NIPBL: variants seen among roughly 807,000 people sequenced by gnomAD.
The protein encoded by NIPBL is NIPBL cohesin loading factor, also known as nipped-B-like protein.
In NIPBL, 19 loss-of-function variants were observed where a neutral mutation model predicts 321.8. The observed-to-expected ratio is 0.06, with a 90% confidence interval of 0.04 to 0.09. NIPBL has a LOEUF of 0.09. Among genes scored for constraint, NIPBL ranks in the 10% least tolerant of loss-of-function variants. The pLI, the probability that NIPBL is intolerant of heterozygous loss-of-function variation, is 1.00. For synonymous variants in NIPBL, 1,106 were observed against 1,114.1 expected (o/e 0.99, Z 0.14); for missense variants, 2,210 against 3,327.0 (o/e 0.66, Z 8.26).
intron 1 of NIPBL, among the ~76,000 whole-genome samples, chr5:36,882,829 C>T (rs1233001242): frequency 6.6e-6 from 1 of 151,266 alleles, no homozygotes; most frequent in Non-Finnish European, 1.5e-5. Flanking sequence ...AAGAGTAATT[C>T]TAAAATGTTT....
chr5:36,988,337 T>A (rs868819137), intron 10 of NIPBL, among the ~76,000 whole-genome samples: 1 of 152,158 alleles, frequency 6.6e-6, no homozygotes, highest in African/African-American at 2.4e-5. Context: ...TGTGTGTGTA[T>A]GTGTACATGT....
intron 1 of NIPBL, among the ~76,000 whole-genome samples, chr5:36,901,840 T>C (rs185650794): frequency 6.6e-6 from 1 of 152,282 alleles, no homozygotes; most frequent in East Asian, 1.9e-4. Context: ...TGAACTGTTT[T>C]CCACAGTGGC....
intron 30 of NIPBL, among the ~76,000 whole-genome samples, chr5:37,025,520 G>A (rs1334087532): frequency 6.6e-6 from 1 of 152,136 alleles, no homozygotes; most frequent in Non-Finnish European, 1.5e-5. Context: ...GGGAAGGGTT[G>A]TGAGGGGTTG....
At chr5:36,913,662 T>C (rs1748227699) in intron 1 of NIPBL, among the ~76,000 whole-genome samples, 2 of 152,194 alleles carry the variant, frequency 1.3e-5, no homozygotes, top group Admixed American at 6.5e-5. Flanking sequence ...TGTGAGCCAC[T>C]GTGCCCAGCT....
intron 1 of NIPBL, among the ~76,000 whole-genome samples, chr5:36,891,325 A>G (rs920542324): frequency 1.3e-5 from 2 of 152,220 alleles, no homozygotes; most frequent in Admixed American, 1.3e-4. Flanking sequence ...AGTCTAATAC[A>G]GTTTATAGAC....
At chr5:36,978,180 A>G (rs769434794) in intron 9 of NIPBL, among the ~76,000 whole-genome samples, 23 of 152,054 alleles carry the variant, frequency 1.5e-4, no homozygotes, top group Non-Finnish European at 2.5e-4. Flanking sequence ...AGAAATCTCC[A>G]TACTGTTTTT....
rs1741186913 is a variant in NIPBL, at chr5:36,958,136, CAGA to C, written c.266_268del (p.Glu89del). ...AAAGATAACCTTGGCAGTGATGACCCAGAAGGTGACATACCAGTCTTGTTGCAG... is the reference window on the plus strand; with the variant it reads ...AAAGATAACCTTGGCAGTGATGACCCAGGTGACATACCAGTCTTGTTGCAG... On this transcript the variant is annotated inframe_deletion, in exon 4 of 47. Transcript: ENST00000282516. 1 of 1,613,992 alleles carries C rather than the reference CAGA, an allele frequency of 6.2e-7. No individual in the cohort carries two copies. Among genetic ancestry groups the C allele is most frequent in the East Asian group, 2.2e-5 (1 of 44,886 alleles).
chr5:36,999,879 T>C (rs940581288), intron 11 of NIPBL, among the ~76,000 whole-genome samples: 1 of 152,180 alleles, frequency 6.6e-6, no homozygotes, highest in Non-Finnish European at 1.5e-5. Context: ...TGGGTTTAAC[T>C]TAGCTATTAA....
chr5:37,010,186 A>G lies in NIPBL; in HGVS notation c.4521A>G (p.Ser1507=). 6.2e-7 allele frequency: 1 copy of G among 1,611,324 alleles called. No homozygotes were observed. The change falls in exon 21 of 47, where the codon TCA becomes TCG. Residue 1507 remains serine, a synonymous_variant. Transcript: ENST00000282516. ...AGTGTGTGGTACACTTACCATCATC[A>G]GAGAAGGACTCTAATGCAGAAGAAG... ...LIQCVVHLPS[S]EKDSNAEEDS... is the part of the protein sequence containing the mutation.
At chr5:36,999,534 G>C (rs536610661) in intron 11 of NIPBL, among the ~76,000 whole-genome samples, 1 of 152,282 alleles carries the variant, frequency 6.6e-6, no homozygotes, top group South Asian at 2.1e-4. Context: ...CTCAGGGCTT[G>C]GGGTTATTTT....
At chr5:36,899,455 G>T (rs1191528870) in intron 1 of NIPBL, among the ~76,000 whole-genome samples, 1 of 151,948 alleles carries the variant, frequency 6.6e-6, no homozygotes, top group African/African-American at 2.4e-5. Flanking sequence ...ACCTTTCTTT[G>T]GGAATCTCAT....
In NIPBL at chr5:36,942,304, T is replaced by C. The variant is rs550969198; in HGVS notation, c.-79-11314T>C. ...AAAATTAGCCAGGTGGGGTGGTGAATGCCTGTAATCCGAGCTACTCAGGAG... is the reference window on the plus strand; with the variant it reads ...AAAATTAGCCAGGTGGGGTGGTGAACGCCTGTAATCCGAGCTACTCAGGAG... On this transcript the variant is annotated intron_variant, in intron 1 of 46. Transcript: ENST00000282516. Among the ~76,000 whole-genome samples, 38 of 150,956 alleles carry C rather than the reference T, an allele frequency of 2.5e-4. 1 individual carries two copies. In the Middle Eastern group the frequency reaches 0.014, roughly 54 times the overall value.
At chr5:36,964,146 T>C (rs1445901919) in intron 6 of NIPBL, among the ~76,000 whole-genome samples, 2 of 152,114 alleles carry the variant, frequency 1.3e-5, no homozygotes, top group Non-Finnish European at 2.9e-5. Context: ...CACCCAGATA[T>C]TAAAGTTATT....
intron 39 of NIPBL, 36 bp downstream of exon 39, chr5:37,048,711 A>G (rs1199741816): frequency 7.0e-7 from 1 of 1,433,794 alleles, no homozygotes; most frequent in South Asian, 1.2e-5. Flanking sequence ...TCATAGCTAC[A>G]TTTATATTAT....
chr5:37,054,123 G>A (rs1453040245), intron 42 of NIPBL, among the ~76,000 whole-genome samples: 1 of 151,096 alleles, frequency 6.6e-6, no homozygotes, highest in Non-Finnish European at 1.5e-5. Context: ...TTGAACCCAG[G>A]AGGCAGAGGT....
In NIPBL at chr5:37,006,458, A is replaced by G; in HGVS notation, c.3957A>G (p.Thr1319=). The G allele has an allele frequency of 6.2e-7, 1 of 1,612,356 alleles. No homozygotes were observed. Among genetic ancestry groups the G allele is most frequent in the Non-Finnish European group, 8.5e-7 (1 of 1,178,572 alleles). Residue 1319 remains threonine, a synonymous_variant, in exon 17 of 47, where the codon ACA becomes ACG. Coordinates refer to ENST00000282516, the MANE Select transcript of NIPBL (RefSeq NM_133433.4). ...GTCTTACAACTATCAACATTATGAC[A>G]TCCCCTAACATGCCAAAAGCTGTGT... ...DACLTTINIM[T]SPNMPKAVYI...
chr5:37,063,401 A>G (rs1048354155), intron 45 of NIPBL, among the ~76,000 whole-genome samples: 3 of 152,220 alleles, frequency 2.0e-5, no homozygotes, highest in African/African-American at 7.2e-5. Context: ...GGAGATAACT[A>G]GAAAATGTCT....
chr5:36,952,018 CTGTGTGTGTGTGTGTGTGTGTG>C (rs60067315), intron 1 of NIPBL, among the ~76,000 whole-genome samples: 17 of 101,936 alleles, frequency 1.7e-4, no homozygotes, highest in Non-Finnish European at 2.5e-4. Flanking sequence ...CTCTGTTAAA[CTGTGTGTGTGTGTGTGTGTGTG>C]TGTGTGTGTG....
chr5:36,880,258 A>C (rs775719112), intron 1 of NIPBL, among the ~76,000 whole-genome samples: 13 of 152,036 alleles, frequency 8.6e-5, no homozygotes, highest in Non-Finnish European at 1.6e-4. Flanking sequence ...TGTCATAGAA[A>C]TATTTGAACA....
Sources: gnomAD v4.1 joint callset for allele counts (sites outside exome capture counted in the v4.1 genomes callset) on GRCh38, gnomAD v4.1.1 for gene constraint, MANE v1.5 for transcripts, NCBI Gene and HGNC (gene_info 2026-07-23, HGNC 2026-07-21) for gene names.